Variants in CCDC39 observed in about 807,000 individuals in gnomAD.
CCDC39 encodes coiled-coil domain-containing protein 39.
In CCDC39, 113 loss-of-function variants were observed where a neutral mutation model predicts 121.0. The observed-to-expected ratio is 0.93, with a 90% CI of 0.80 to 1.09. The LOEUF is 1.09. CCDC39 is among the 50% of genes least tolerant of loss of function. The probability of loss-of-function intolerance (pLI) is 0.00; values close to 1 mark genes in which losing one functional copy is unlikely to be tolerated. For synonymous variants in CCDC39, 349 were observed against 352.2 expected, an observed-to-expected ratio of 0.99 and a Z score of 0.10; for missense variants, 1,063 against 1,074.7, an observed-to-expected ratio of 0.99 and a Z score of 0.15.
intron 11 of CCDC39, among the ~76,000 whole-genome samples, chr3:180,645,728 A>C (rs1004316415): frequency 5.3e-5 from 8 of 152,180 alleles, no homozygotes; most frequent in Non-Finnish European, 1.0e-4. Flanking sequence ...TGAAAAGAGC[A>C]GCTCTTCATA....
At chr3:180,658,029 T>C (rs1049065462) in intron 6 of CCDC39, among the ~76,000 whole-genome samples, 4 of 146,148 alleles carry the variant, frequency 2.7e-5, no homozygotes, top group African/African-American at 1.0e-4. Flanking sequence ...CGGTCAGGAG[T>C]TCGAGACCAG....
chr3:180,651,992 A>G (rs913726701), intron 8 of CCDC39, among the ~76,000 whole-genome samples, 171 bp downstream of exon 8: 9 of 152,032 alleles, frequency 5.9e-5, no homozygotes, highest in Non-Finnish European at 1.3e-4. Context: ...AGCTGAGATC[A>G]CGCCACTGCA....
At chr3:180,622,484 G>T (rs1374203449) in intron 14 of CCDC39, among the ~76,000 whole-genome samples, 2 of 152,170 alleles carry the variant, frequency 1.3e-5, no homozygotes, top group East Asian at 1.9e-4. Context: ...TCCTTGTCTT[G>T]TTCTAATTCT....
At chr3:180,635,294 A>C (rs1374241833) in intron 13 of CCDC39, among the ~76,000 whole-genome samples, 1 of 152,128 alleles carries the variant, frequency 6.6e-6, no homozygotes, top group Admixed American at 6.5e-5. Flanking sequence ...CACAGAGCCA[A>C]ACCATATTCT....
In CCDC39 at chr3:180,661,867, A is replaced by T; in HGVS notation, c.351T>A (p.Asp117Glu). The part of the protein sequence containing the change: ...EMASILEKKS[D>E]KENGIFKATQ... ...GTAATATTTCAACATATACTTCTTT[A>T]TCACTTTTCTTTTCCAGTATTGAAG... The change falls in exon 3 of 20, where the codon GAT becomes GAA. Residue 117 changes from aspartate (D) to glutamate (E), a missense_variant. Coordinates refer to ENST00000476379, the MANE Select transcript of CCDC39 (RefSeq NM_181426.2). 6.3e-7 allele frequency: 1 copy of T among 1,581,108 alleles called. No individual in the cohort carries two copies.
intron 1 of CCDC39, 97 bp from the exon 2 acceptor site, chr3:180,664,083 T>A: frequency 8.8e-7 from 1 of 1,133,854 alleles, no homozygotes; most frequent in Non-Finnish European, 1.2e-6. Flanking sequence ...ATTTACATTG[T>A]CTTAGTCAAT....
At chr3:180,620,759 AT>A (rs1386906867) in intron 14 of CCDC39, among the ~76,000 whole-genome samples, 2 of 151,966 alleles carry the variant, frequency 1.3e-5, no homozygotes, top group Admixed American at 1.3e-4. Context: ...AGAAATATAA[AT>A]TTTTTTCTGA....
Position 180,659,716 on chromosome 3 carries a change from C to A in CCDC39, c.570G>T (p.Lys190Asn), listed in dbSNP as rs1296379276. ...RLTLECNQKRKILDNELTETI... is the reference protein window; with the variant it reads ...RLTLECNQKRNILDNELTETI... ...TCTCTGTAAGTTCGTTGTCAAGTAT[C>A]TTTCTTTTCTGATTACATTCCAAAG... is the stretch of plus-strand genomic sequence containing the variant. Residue 190 changes from lysine (K) to asparagine (N), a missense_variant, in exon 5 of 20, where the codon AAG (lysine) becomes AAT (asparagine). Coordinates refer to ENST00000476379, the MANE Select transcript of CCDC39 (RefSeq NM_181426.2). 6.2e-7 allele frequency: 1 copy of A among 1,612,686 alleles called. No individual in the cohort carries two copies. Among genetic ancestry groups the A allele is most frequent in the Non-Finnish European group, 8.5e-7 (1 of 1,179,350 alleles).
rs779120394 is a variant in CCDC39, at chr3:180,631,454, AT to A, written c.1998+14del. 18 of 1,593,062 alleles carry A rather than the reference AT, an allele frequency of 1.1e-5. No homozygotes were observed. In the Admixed American group the frequency reaches 3.1e-4, roughly 27 times the overall value. On this transcript the variant is annotated intron_variant, in intron 14 of 19. Transcript: ENST00000476379. ...AAATTTCATACCATCACAACTGTGA[AT>A]CAATTAAAATTACCTTTATTACATA...
At chr3:180,678,949 C>A (rs1560097871) in intron 1 of CCDC39, among the ~76,000 whole-genome samples, 1 of 152,092 alleles carries the variant, frequency 6.6e-6, no homozygotes, top group African/African-American at 2.4e-5. Context: ...CCAAGTAGCT[C>A]TTTAATTTTT....
chr3:180,637,200 C>A (rs1022949901), intron 13 of CCDC39, among the ~76,000 whole-genome samples: 5 of 151,966 alleles, frequency 3.3e-5, no homozygotes, highest in African/African-American at 7.3e-5. Context: ...GGTCTAATAT[C>A]CAACATCTAT....
intron 14 of CCDC39, among the ~76,000 whole-genome samples, chr3:180,624,808 T>C (rs1242343644): frequency 2.0e-5 from 3 of 152,174 alleles, no homozygotes; most frequent in African/African-American, 7.2e-5. Context: ...TCTGTTTTTG[T>C]TTTTGTTTTC....
intron 1 of CCDC39, among the ~76,000 whole-genome samples, chr3:180,677,342 C>T (rs1005126481): frequency 4.0e-5 from 6 of 149,774 alleles, no homozygotes; most frequent in Middle Eastern, 3.4e-3. Flanking sequence ...CGGTAAGGAC[C>T]ATTAAAGCAA....
intron 1 of CCDC39, 145 bp from the exon 2 acceptor site, chr3:180,664,131 C>G: frequency 1.5e-6 from 1 of 686,808 alleles, no homozygotes; most frequent in Non-Finnish European, 2.3e-6. Flanking sequence ...GACTAGGTAG[C>G]TTAAACAAAA....
At chr3:180,656,821 C>T (rs1450269115) in intron 6 of CCDC39, among the ~76,000 whole-genome samples, 3 of 152,220 alleles carry the variant, frequency 2.0e-5, no homozygotes, top group Non-Finnish European at 4.4e-5. Flanking sequence ...CTAAAAGACA[C>T]TCCCACCAGC....
rs367561135 is a variant in CCDC39, at chr3:180,642,353, G to GT, written c.1666-153dup. The stretch of plus-strand genomic sequence containing the variant: ...TTAGCTAGGCCTAAAATTGATCATA[G>GT]TTTTTTTTTTTCTTTTAAGAAAAGG... On this transcript the variant is annotated intron_variant, in intron 12 of 19. Transcript: ENST00000476379. 0.018 allele frequency among the ~76,000 whole-genome samples: 2,625 copies of GT among 145,380 alleles called. 69 individuals carry two copies. The highest frequency in any genetic ancestry group is 0.059 in the African/African-American group (2,358 of 39,914).
intron 13 of CCDC39, among the ~76,000 whole-genome samples, chr3:180,637,907 G>A (rs1056695192): frequency 1.5e-4 from 23 of 151,946 alleles, no homozygotes; most frequent in Non-Finnish European, 4.4e-5. Flanking sequence ...GGAAAACAAT[G>A]GACATTGGGA....
intron 19 of CCDC39, among the ~76,000 whole-genome samples, chr3:180,615,650 G>A (rs1272337969): frequency 6.6e-6 from 1 of 151,964 alleles, no homozygotes; most frequent in East Asian, 1.9e-4. Context: ...ATTTTTACCT[G>A]GACTAAGGAA....
intron 2 of CCDC39, among the ~76,000 whole-genome samples, chr3:180,663,666 T>A (rs1475522617): frequency 6.9e-6 from 1 of 144,266 alleles, no homozygotes; most frequent in Non-Finnish European, 1.5e-5. Flanking sequence ...CGAGACTTCA[T>A]CTCAAAAAAA....
Sources: gnomAD v4.1 joint callset for allele counts (sites outside exome capture counted in the v4.1 genomes callset) on GRCh38, gnomAD v4.1.1 for gene constraint, MANE v1.5 for transcripts, NCBI Gene and HGNC (gene_info 2026-07-23, HGNC 2026-07-21) for gene names.